The following GIGYF2 variants were observed in gnomAD, a reference collection of about 807,000 sequenced individuals.
The protein encoded by GIGYF2 is GRB10 interacting GYF protein 2.
In GIGYF2, 25 loss-of-function variants were observed where a neutral mutation model predicts 208.1. That is an observed-to-expected ratio of 0.12 (90% CI 0.09 to 0.17). The LOEUF is 0.17. GIGYF2 is among the 10% of genes least tolerant of loss of function. The pLI, the probability that GIGYF2 is intolerant of heterozygous loss-of-function variation, is 1.00. For missense variants in GIGYF2, 1,302 were observed against 1,579.4 expected (o/e 0.82, Z 2.98); for synonymous variants, 534 against 543.8 (o/e 0.98, Z 0.25).
intron 1 of GIGYF2, among the ~76,000 whole-genome samples, chr2:232,701,177 C>T (rs1195504492): frequency 6.6e-6 from 1 of 151,964 alleles, no homozygotes; most frequent in African/African-American, 2.4e-5. Flanking sequence ...AAAGGTATTT[C>T]AAAGTATTAC....
intron 17 of GIGYF2, 83 bp from the exon 18 acceptor site, chr2:232,812,308 C>G: frequency 1.4e-6 from 1 of 713,936 alleles, no homozygotes; most frequent in African/African-American, 1.8e-5. Flanking sequence ...GGAGAACCTG[C>G]TAATCTAGAA....
At chr2:232,838,511 G>A (rs1439856967) in intron 22 of GIGYF2, among the ~76,000 whole-genome samples, 2 of 152,098 alleles carry the variant, frequency 1.3e-5, no homozygotes, top group East Asian at 3.9e-4. Flanking sequence ...ATTACCATGG[G>A]GTGACACATC....
At chr2:232,768,321 A>G (rs1201013667) in intron 8 of GIGYF2, 3 of 1,614,204 alleles carry the variant, frequency 1.9e-6, no homozygotes, top group Admixed American at 3.3e-5. Flanking sequence ...AGTCTTGTCA[A>G]AATTCTCCAT....
At chr2:232,727,102 T>A (rs1697236711) in intron 2 of GIGYF2, among the ~76,000 whole-genome samples, 1 of 152,128 alleles carries the variant, frequency 6.6e-6, no homozygotes, top group South Asian at 2.1e-4. Context: ...GTAACTGGGA[T>A]TATAGGCGTG....
chr2:232,807,047 CTT>C (rs1700582113), intron 15 of GIGYF2, among the ~76,000 whole-genome samples: 1 of 152,072 alleles, frequency 6.6e-6, no homozygotes, highest in African/African-American at 2.4e-5. Flanking sequence ...CAGTTGACCT[CTT>C]TGACTTTCTT....
Position 232,844,534 on chromosome 2 carries a change from A to C in GIGYF2, c.3265A>C (p.Arg1089=), listed in dbSNP as rs966375740. ...TGATGCAGTGAAAGAGGTGGGACCT[A>C]GGAATTCAACAAATAAAAATAAAAA... ...WDDAVKEVGP[R]NSTNKNKNNA... Residue 1089 remains arginine (R), a synonymous_variant, in exon 25 of 29, where the codon AGG becomes CGG. Transcript: ENST00000373563. 1 of 1,613,678 alleles carries C rather than the reference A, an allele frequency of 6.2e-7. No homozygotes were observed. The highest frequency in any genetic ancestry group is 1.3e-5 in the African/African-American group (1 of 74,918).
In GIGYF2 at chr2:232,749,017, C is replaced by G. The variant is rs776682435; in HGVS notation, c.202C>G (p.Leu68Val). 89 of 1,601,032 alleles carry G rather than the reference C, an allele frequency of 5.6e-5. 1 individual carries two copies. The South Asian group carries it at 8.9e-4, about 16-fold the overall frequency. Residue 68 changes from leucine to valine, a missense_variant, in exon 5 of 29, where the codon CTG (leucine) becomes GTG (valine). Physicochemically the swap from Leu to Val is conservative, Grantham distance 32 (BLOSUM62 1). Around this residue, in one of 8 missense-constraint regions of GIGYF2, gnomAD observed 189 missense variants for 257.7 expected, o/e 0.73. Transcript: ENST00000373563. ...IPSDLLDKEF[L>V]PILQEEPLPP... is the part of the protein sequence containing the mutation. ...TTCAGACCTTCTGGATAAAGAATTTCTGCCTATCCTCCAGGAGGAACCCCT... is the reference window on the plus strand; with the variant it reads ...TTCAGACCTTCTGGATAAAGAATTTGTGCCTATCCTCCAGGAGGAACCCCT...
chr2:232,846,595 T>C (rs1216981684), intron 26 of GIGYF2, among the ~76,000 whole-genome samples: 1 of 152,216 alleles, frequency 6.6e-6, no homozygotes, highest in Non-Finnish European at 1.5e-5. Flanking sequence ...AGTGTAACAA[T>C]ATCTAATGGT....
intron 12 of GIGYF2, among the ~76,000 whole-genome samples, chr2:232,792,320 G>A (rs1481625822): frequency 6.6e-6 from 1 of 152,124 alleles, no homozygotes; most frequent in Admixed American, 6.5e-5. Context: ...TTCTAACATA[G>A]CATTATAATA....
intron 6 of GIGYF2, among the ~76,000 whole-genome samples, chr2:232,757,508 C>T (rs1442149115): frequency 6.6e-6 from 1 of 151,996 alleles, no homozygotes; most frequent in African/African-American, 2.4e-5. Flanking sequence ...AGTTAGGTTC[C>T]ATTGGTCCAG....
intron 8 of GIGYF2, chr2:232,765,990 T>G: frequency 2.1e-6 from 1 of 470,854 alleles, no homozygotes; most frequent in South Asian, 1.5e-5. Context: ...GTTAGTGAGC[T>G]GCACATCCAG....
intron 2 of GIGYF2, among the ~76,000 whole-genome samples, chr2:232,731,796 C>T (rs976229361): frequency 6.6e-6 from 1 of 152,098 alleles, no homozygotes; most frequent in Non-Finnish European, 1.5e-5. Context: ...TCATTTTGTG[C>T]ATTACTGAGA....
chr2:232,814,236 T>G (rs942565030), intron 18 of GIGYF2, among the ~76,000 whole-genome samples: 3 of 152,082 alleles, frequency 2.0e-5, no homozygotes, highest in Non-Finnish European at 2.9e-5. Context: ...ATTTTTTTCA[T>G]GCCTCAAATT....
rs1240959959 is a variant in GIGYF2, at chr2:232,816,877, C to A, written c.2215C>A (p.Gln739Lys). 2 of 1,611,560 alleles carry A rather than the reference C, an allele frequency of 1.2e-6. No individual in the cohort carries two copies. Among genetic ancestry groups the A allele is most frequent in the Non-Finnish European group, 1.7e-6 (2 of 1,177,994 alleles). ...LEKAKAAKLE[Q>K]ERREAEMRAK... ...TACTCTTGTGTAATCACAGCTAGAG[C>A]AAGAGAGAAGAGAGGCAGAAATGAG... Residue 739 changes from glutamine to lysine, a missense_variant, in exon 20 of 29, where the codon CAA becomes AAA. By Grantham distance (53) the Gln-to-Lys change is moderately conservative (BLOSUM62 1). Around this residue, in one of 8 missense-constraint regions of GIGYF2, gnomAD observed 701 missense variants for 793.0 expected, o/e 0.88. Coordinates refer to ENST00000373563, the MANE Select transcript of GIGYF2 (RefSeq NM_001103146.3).
intron 8 of GIGYF2, among the ~76,000 whole-genome samples, chr2:232,769,217 G>A (rs535243645): frequency 6.6e-6 from 1 of 152,226 alleles, no homozygotes; most frequent in South Asian, 2.1e-4. Context: ...GATTTGGGAT[G>A]GGGAGGGGAC....
At chr2:232,738,629 C>G (rs906819434) in intron 3 of GIGYF2, among the ~76,000 whole-genome samples, 3 of 152,200 alleles carry the variant, frequency 2.0e-5, no homozygotes, top group African/African-American at 7.2e-5. Flanking sequence ...ACTGCTGTAT[C>G]TCCAGTGCCT....
At chr2:232,720,585 T>A (rs4442985) in intron 2 of GIGYF2, among the ~76,000 whole-genome samples, 1,781 of 126,338 alleles carry the variant, frequency 0.014, 33 homozygotes, top group African/African-American at 0.045. Context: ...ATATATATAT[T>A]TTTGTTTGTT....
rs759525243 is a variant in GIGYF2 at position 232,756,197 on chromosome 2, CTTTTTTT to C, written c.268-12_268-6del. On this transcript the variant is annotated intron_variant, in intron 5 of 28. Coordinates refer to ENST00000373563, the MANE Select transcript of GIGYF2 (RefSeq NM_001103146.3). ...TTTTCTTTCTTTTTTTCCTTTTTCT[CTTTTTTT>C]TTTTTTTTTTTTTGGCAGAGAAACT... is the stretch of plus-strand genomic sequence containing the variant. 723 of 710,136 alleles carry C rather than the reference CTTTTTTT, an allele frequency of 1.0e-3. No homozygotes were observed. The highest frequency in any genetic ancestry group is 3.9e-3 in the South Asian group (197 of 51,166). The allele number at this position is 710,136 out of a possible 1,614,324, so 44.0% of individuals were successfully genotyped here.
At chr2:232,817,676 T>A (rs1243519537) in intron 20 of GIGYF2, among the ~76,000 whole-genome samples, 1 of 152,260 alleles carries the variant, frequency 6.6e-6, no homozygotes, top group Non-Finnish European at 1.5e-5. Context: ...CACTTAAGGT[T>A]TATTCATATT....
Sources: gnomAD v4.1 joint callset for allele counts (sites outside exome capture counted in the v4.1 genomes callset) on GRCh38, gnomAD v4.1.1 for gene constraint, gnomAD v4.1.1 regional missense constraint, MANE v1.5 for transcripts, NCBI Gene and HGNC (gene_info 2026-07-23, HGNC 2026-07-21) for gene names.